Variants in GFI1B observed in about 807,000 individuals in gnomAD.
GFI1B encodes the protein growth factor independent 1B transcriptional repressor, also known as zinc finger protein Gfi-1b.
Under a neutral mutation model 35.3 loss-of-function variants are expected in GFI1B, and 20 were observed. The ratio of observed to expected loss-of-function variants is 0.57; its 90% CI spans 0.40 to 0.82. The LOEUF is 0.82. GFI1B is among the 40% of genes least tolerant of loss of function. The pLI is 0.00. For synonymous variants in GFI1B, 178 were observed against 177.6 expected (o/e 1.00, Z -0.02); for missense variants, 430 against 446.3 (o/e 0.96, Z 0.33).
At chr9:132,957,498 A>T (rs1392789073) in intron 1 of GFI1B, among the ~76,000 whole-genome samples, 3 of 152,350 alleles carry the variant, frequency 2.0e-5, no homozygotes, top group East Asian at 1.9e-4. Flanking sequence ...TCTCCTCTGC[A>T]TTTCTTTGCT....
In GFI1B at chr9:132,950,620, G is replaced by A. The variant is rs1294906147; in HGVS notation, c.-701+4951G>A. 4.2e-5 allele frequency among the ~76,000 whole-genome samples: 5 copies of A among 119,410 alleles called. No individual in the cohort carries two copies. The East Asian group carries it at 8.6e-4, about 21-fold the overall frequency. 78.3% of individuals were successfully genotyped at this position (119,410 alleles called of 152,430 possible). On this transcript the variant is annotated intron_variant, in intron 1 of 10. Coordinates refer to the GFI1B transcript ENST00000339463. ...GTCGCCCAGGCTGGAGTGCAGTGGC[G>A]TGATCTCGGCTCACTGCAAGCTCTG...
At chr9:132,967,902 T>A (rs1848472562) in intron 1 of GFI1B, among the ~76,000 whole-genome samples, 1 of 152,028 alleles carries the variant, frequency 6.6e-6, no homozygotes, top group Non-Finnish European at 1.5e-5. Flanking sequence ...TGCCTCAGCC[T>A]CCCGAGTAGC....
At chr9:132,969,836 T>C (rs7033924) in intron 1 of GFI1B, among the ~76,000 whole-genome samples, 10,290 of 152,254 alleles carry the variant, frequency 0.068, 371 homozygotes, top group Middle Eastern at 0.088. Context: ...GAACCTCTTT[T>C]CATCACCCTG....
In GFI1B at chr9:132,988,245, C is replaced by T. The variant is rs781432577; in HGVS notation, c.287C>T (p.Ser96Phe). The change falls in exon 4 of 7, where the codon TCC (serine) becomes TTC (phenylalanine). Residue 96 changes from serine (S) to phenylalanine (F), a missense_variant. Transcript: ENST00000372122. ...CCCCAGGATGGGGACTCTCCACTGT[C>T]CGACTCACCCCCATTCTACAAGCCT... ...SRPQDGDSPL[S>F]DSPPFYKPSF... The T allele has an allele frequency of 1.1e-5, 17 of 1,613,774 alleles. No homozygotes were observed. The East Asian group carries it at 3.3e-4, about 32-fold the overall frequency.
chr9:132,986,737 T>C lies in GFI1B; in HGVS notation c.59T>C (p.Val20Ala). The stretch of plus-strand genomic sequence containing the variant: ...GCTCACACCTACCACCAGCCCCGTG[T>C]GCAGGAAGATGAACCGCTCTGGCCT... ...KKAHTYHQPR[V>A]QEDEPLWPPA... Residue 20 changes from valine (V) to alanine (A), a missense_variant, in exon 2 of 7, where the codon GTG (valine) becomes GCG (alanine). Coordinates refer to ENST00000372122, the MANE Select transcript of GFI1B (RefSeq NM_001377304.1). 2 of 1,613,150 alleles carry C rather than the reference T, an allele frequency of 1.2e-6. No homozygotes were observed. The highest frequency in any genetic ancestry group is 1.3e-5 in the African/African-American group (1 of 75,062).
At chr9:132,955,490 CTA>C (rs1472956451) in intron 1 of GFI1B, among the ~76,000 whole-genome samples, 1 of 152,046 alleles carries the variant, frequency 6.6e-6, no homozygotes, top group African/African-American at 2.4e-5. Context: ...GTGAATTCTC[CTA>C]TGTTTCCCAG....
chr9:132,981,774 A>G (rs1299245019), intron 1 of GFI1B, among the ~76,000 whole-genome samples: 2 of 149,998 alleles, frequency 1.3e-5, no homozygotes, highest in African/African-American at 4.9e-5. Flanking sequence ...TTTTTTTTTG[A>G]CAGAGTCTCG....
Position 132,987,264 on chromosome 9 carries a change from G to A in GFI1B, c.101-18G>A, listed in dbSNP as rs762122446. On this transcript the variant is annotated intron_variant, in intron 2 of 6. Coordinates refer to ENST00000372122, the MANE Select transcript of GFI1B (RefSeq NM_001377304.1). The stretch of plus-strand genomic sequence containing the variant: ...AGAAACCGTGGCTATTGATGCTGAT[G>A]GTCCTATCTCCCCACAGTGCCCAGA... 3.7e-6 allele frequency: 6 copies of A among 1,612,892 alleles called. No individual in the cohort carries two copies. The highest frequency in any genetic ancestry group is 1.3e-5 in the African/African-American group (1 of 75,054).
chr9:132,979,990 A>C (rs1207905263), intron 1 of GFI1B, among the ~76,000 whole-genome samples: 1 of 152,194 alleles, frequency 6.6e-6, no homozygotes, highest in African/African-American at 2.4e-5. Context: ...AACAGGCAGA[A>C]TATTTCTTCC....
intron 1 of GFI1B, among the ~76,000 whole-genome samples, chr9:132,962,137 CTTTTTT>C (rs56259129): frequency 1.5e-5 from 2 of 129,614 alleles, no homozygotes. Flanking sequence ...TTTTTTTTTT[CTTTTTT>C]TTTTTTTCTT....
intron 6 of GFI1B, 125 bp from the exon 7 acceptor site, chr9:132,990,747 G>T: frequency 2.6e-6 from 2 of 783,108 alleles, no homozygotes; most frequent in South Asian, 3.0e-5. Flanking sequence ...GTGAATGTGA[G>T]TTGGCCATGA....
At chr9:132,970,380 G>A (rs925596525) in intron 1 of GFI1B, among the ~76,000 whole-genome samples, 4 of 152,138 alleles carry the variant, frequency 2.6e-5, no homozygotes, top group African/African-American at 9.7e-5. Context: ...CTGGGGAGGT[G>A]AGGACCCACT....
chr9:132,966,359 A>G (rs1848450303), intron 1 of GFI1B, among the ~76,000 whole-genome samples: 1 of 149,818 alleles, frequency 6.7e-6, no homozygotes, highest in Admixed American at 6.6e-5. Flanking sequence ...ATCCTATCTC[A>G]AAAAGAAAAA....
At chr9:132,948,765 G>A (rs1564521047) in intron 1 of GFI1B, among the ~76,000 whole-genome samples, 2 of 152,224 alleles carry the variant, frequency 1.3e-5, no homozygotes, top group Non-Finnish European at 1.5e-5. Flanking sequence ...AACGCCCAGA[G>A]GCTTCACACC....
At position 132,990,905 on chromosome 9, in the gene GFI1B, A is replaced by G. The variant is rs1849271888; in HGVS notation, c.848A>G (p.Lys283Arg). The G allele has an allele frequency of 1.2e-6, 2 of 1,614,102 alleles. No homozygotes were observed. The highest frequency in any genetic ancestry group is 1.7e-5 in the Admixed American group (1 of 60,014). ...EKPHKCQVCG[K>R]AFSQSSNLIT... Reference sequence around the variant, plus strand: ...CCGCACAAGTGCCAGGTGTGCGGAAAGGCCTTCAGCCAGAGCTCCAACCTC... The same window carrying G: ...CCGCACAAGTGCCAGGTGTGCGGAAGGGCCTTCAGCCAGAGCTCCAACCTC... The change falls in exon 7 of 7, where the codon AAG becomes AGG. Residue 283 changes from lysine to arginine, a missense_variant. Lys to Arg is a conservative substitution (Grantham distance 26). Coordinates refer to ENST00000372122, the MANE Select transcript of GFI1B (RefSeq NM_001377304.1).
rs573328135 is a variant in GFI1B, at chr9:132,980,778, T to C, written c.-21+1937T>C. Reference sequence around the variant, plus strand: ...AGGAATCACACAGTATTTGTCCTTTTGTGATTGGCTTATTTCACTTAGCAT... The same window carrying C: ...AGGAATCACACAGTATTTGTCCTTTCGTGATTGGCTTATTTCACTTAGCAT... On this transcript the variant is annotated intron_variant, in intron 1 of 6. Coordinates refer to ENST00000372122, the MANE Select transcript of GFI1B (RefSeq NM_001377304.1). Among the ~76,000 whole-genome samples the C allele has an allele frequency of 2.9e-4, 44 of 152,396 alleles. 2 individuals carry two copies. In the South Asian group the frequency reaches 8.7e-3, roughly 30 times the overall value.
chr9:132,987,512 A>T, intron 3 of GFI1B, 93 bp downstream of exon 3: 2 of 1,445,294 alleles, frequency 1.4e-6, no homozygotes, highest in Non-Finnish European at 1.9e-6. Flanking sequence ...GGGGCCCTGG[A>T]GTCAGGAAGG....
chr9:132,979,766 T>C (rs1326410102), intron 1 of GFI1B, among the ~76,000 whole-genome samples: 3 of 152,194 alleles, frequency 2.0e-5, no homozygotes, highest in Non-Finnish European at 4.4e-5. Flanking sequence ...TGAGGAGACA[T>C]GCTCACTCTA....
chr9:132,965,258 G>A (rs183013661), intron 1 of GFI1B, among the ~76,000 whole-genome samples: 8 of 152,326 alleles, frequency 5.3e-5, no homozygotes, highest in Admixed American at 3.9e-4. Flanking sequence ...GAACTAGGCT[G>A]AAAGAACTGG....
Sources: allele counts gnomAD v4.1 joint callset (sites outside exome capture counted in the v4.1 genomes callset), GRCh38; gene constraint gnomAD v4.1.1; transcripts MANE v1.5; gene names NCBI Gene and HGNC (gene_info 2026-07-23, HGNC 2026-07-21).